PRDM12: variants seen among roughly 807,000 people sequenced by gnomAD.
PRDM12 encodes the protein PR domain zinc finger protein 12.
A neutral mutation model predicts 29.6 loss-of-function variants in PRDM12; 17 were observed. That is an observed-to-expected ratio of 0.57 (90% CI 0.39 to 0.86). PRDM12 has a LOEUF of 0.86. Among genes scored for constraint, PRDM12 ranks in the 40% least tolerant of loss-of-function variants. The probability of loss-of-function intolerance (pLI) is 0.00; values close to 1 mark genes in which losing one functional copy is unlikely to be tolerated. For missense variants in PRDM12, 422 were observed against 510.8 expected (o/e 0.83, Z 1.68); for synonymous variants, 231 against 225.8 (o/e 1.02, Z -0.21).
At chr9:130,680,659 A>ATATATATATATATATATATTTTTT in intron 4 of PRDM12, among the ~76,000 whole-genome samples, 1 of 72,172 alleles carries the variant, frequency 1.4e-5, no homozygotes, top group East Asian at 6.4e-4. Context: ...ATATATATAT[A>ATATATATATATATATATATTTTTT]TTTTTTTTTT....
At chr9:130,666,485 TTTGGGGCCGAC>T (rs759138933) in intron 1 of PRDM12, 112 bp from the exon 2 acceptor site, 30 of 1,281,284 alleles carry the variant, frequency 2.3e-5, no homozygotes, top group Non-Finnish European at 3.1e-5. Flanking sequence ...CTTCTCTGGA[TTTGGGGCCGAC>T]TTGGGTTTGG....
chr9:130,680,651 A>ATTTT (rs1230089605), intron 4 of PRDM12, among the ~76,000 whole-genome samples: 1 of 80,176 alleles, frequency 1.2e-5, no homozygotes, highest in African/African-American at 7.7e-5. Context: ...ATATATATAT[A>ATTTT]TATATATATT....
intron 3 of PRDM12, among the ~76,000 whole-genome samples, chr9:130,673,009 C>T (rs74540582): frequency 0.013 from 1,937 of 152,274 alleles, 48 homozygotes; most frequent in African/African-American, 0.045. Flanking sequence ...CGCTGGTATT[C>T]CAGAGTTTTA....
At chr9:130,675,818 G>T (rs537198896) in intron 3 of PRDM12, among the ~76,000 whole-genome samples, 2 of 152,298 alleles carry the variant, frequency 1.3e-5, no homozygotes, top group Admixed American at 1.3e-4. Flanking sequence ...TCAGTGGTCT[G>T]GGGGAGGGTG....
chr9:130,678,897 G>A lies in PRDM12; in HGVS notation c.682+257G>A, dbSNP rs549228377. The stretch of plus-strand genomic sequence containing the variant: ...TAGACTGTCTGGGGGGTATGTGGGG[G>A]AGACCAGAGAGGCAATGAGGTGTGA... On this transcript the variant is annotated intron_variant, in intron 4 of 4. Coordinates refer to ENST00000253008, the MANE Select transcript of PRDM12 (RefSeq NM_021619.3). 3.3e-5 allele frequency among the ~76,000 whole-genome samples: 5 copies of A among 152,282 alleles called. No individual in the cohort carries two copies. In the East Asian group the frequency reaches 9.7e-4, roughly 29 times the overall value.
rs1461168068 is a variant in PRDM12 at position 130,682,085 on chromosome 9, C to CT, written c.*418dup. The CT allele has an allele frequency of 1.3e-5, 2 of 152,152 alleles. No individual in the cohort carries two copies. The highest frequency in any genetic ancestry group is 2.9e-5 in the Non-Finnish European group (2 of 68,058). 9.4% of individuals were successfully genotyped at this position (152,152 alleles called of 1,614,324 possible). A position where few individuals can be genotyped will look rare whatever the true frequency, so the allele number is the denominator to read the frequency against. On this transcript the variant is annotated 3_prime_UTR_variant, in exon 5 of 5. Coordinates refer to ENST00000253008, the MANE Select transcript of PRDM12 (RefSeq NM_021619.3). This position sits in a 1 kb window ranked among gnomAD's most constrained non-coding sequence, Gnocchi z 4.2. ...CTCCTCCGCCACCGAGAGTCCTGTG[C>CT]TTCGGAATGAAGGGAGGGCGACCTC... is the stretch of plus-strand genomic sequence containing the variant.
intron 4 of PRDM12, among the ~76,000 whole-genome samples, chr9:130,680,659 A>ATATATATATATATATATATATATATATT: frequency 2.8e-5 from 2 of 72,172 alleles, no homozygotes; most frequent in Admixed American, 1.9e-4. Context: ...ATATATATAT[A>ATATATATATATATATATATATATATATT]TTTTTTTTTT....
Position 130,666,645 on chromosome 9 carries a change from G to T in PRDM12, c.261G>T (p.Glu87Asp). ...TGTCCAGCCTGGTGCTGCCTGCGGA[G>T]GTGATCATCGCTCAGAGCTCCATCC... ...QKLSSLVLPA[E>D]VIIAQSSIPG... Residue 87 changes from glutamate to aspartate, a missense_variant, in exon 2 of 5, where the codon GAG (glutamate) becomes GAT (aspartate). Coordinates refer to ENST00000253008, the MANE Select transcript of PRDM12 (RefSeq NM_021619.3). The T allele has an allele frequency of 6.2e-7, 1 of 1,613,058 alleles. No individual in the cohort carries two copies. The highest frequency in any genetic ancestry group is 1.1e-5 in the South Asian group (1 of 90,882).
At chr9:130,669,116 A>T (rs1021822768) in intron 3 of PRDM12, among the ~76,000 whole-genome samples, 1 of 152,084 alleles carries the variant, frequency 6.6e-6, no homozygotes, top group Non-Finnish European at 1.5e-5. Context: ...TCACAAGGTC[A>T]GGAGATCGAG....
chr9:130,674,433 G>C (rs1314528218), intron 3 of PRDM12, among the ~76,000 whole-genome samples: 2 of 151,778 alleles, frequency 1.3e-5, no homozygotes, highest in Non-Finnish European at 1.5e-5. Flanking sequence ...ACAGGTGAGA[G>C]CCACCACACC....
At position 130,681,065 on chromosome 9, in the gene PRDM12, C is replaced by T. The variant is rs545687817; in HGVS notation, c.683-183C>T. ...CCAACTCCCTATTGGACCCCCCAGC[C>T]GGGGTACCCTTCGCTGTCCCTCCAG... On this transcript the variant is annotated intron_variant, in intron 4 of 4. Coordinates refer to ENST00000253008, the MANE Select transcript of PRDM12 (RefSeq NM_021619.3). The surrounding 1 kb of genome is among the most constrained non-coding windows in gnomAD (Gnocchi z 8.1). 6.6e-6 allele frequency among the ~76,000 whole-genome samples: 1 copy of T among 152,262 alleles called. No homozygotes were observed. Among genetic ancestry groups the T allele is most frequent in the East Asian group, 1.9e-4 (1 of 5,136 alleles).
In PRDM12 at chr9:130,672,469, G is replaced by C. The variant is rs537963577; in HGVS notation, c.570+4156G>C. ...CTCCCAAAGTGCTGGGATTACAGGC[G>C]TGAGCCACTGCACCTGGCCAGCAAC... is the stretch of plus-strand genomic sequence containing the variant. On this transcript the variant is annotated intron_variant, in intron 3 of 4. Transcript: ENST00000253008. 1.4e-4 allele frequency among the ~76,000 whole-genome samples: 22 copies of C among 152,300 alleles called. No homozygotes were observed. The East Asian group carries it at 4.1e-3, about 28-fold the overall frequency.
At position 130,681,507 on chromosome 9, in the gene PRDM12, G is replaced by C; in HGVS notation, c.942G>C (p.Leu314=). 1 of 1,464,750 alleles carries C rather than the reference G, an allele frequency of 6.8e-7. No individual in the cohort carries two copies. The highest frequency in any genetic ancestry group is 9.1e-7 in the Non-Finnish European group (1 of 1,104,352). 90.7% of individuals were successfully genotyped at this position (1,464,750 alleles called of 1,614,324 possible). A position where few individuals can be genotyped will look rare whatever the true frequency, so the allele number is the denominator to read the frequency against. Reference sequence around the variant, plus strand: ...GCGCCTACTCGCAGCTGGCCGGCCTGCGCGCCCACCAGAAGAGCGCGCGGC... The same window carrying C: ...GCGCCTACTCGCAGCTGGCCGGCCTCCGCGCCCACCAGAAGAGCGCGCGGC... ...CQSAYSQLAG[L]RAHQKSARHR... Residue 314 remains leucine, a synonymous_variant, in exon 5 of 5, where the codon CTG becomes CTC. Coordinates refer to ENST00000253008, the MANE Select transcript of PRDM12 (RefSeq NM_021619.3). The surrounding 1 kb of genome is among the most constrained non-coding windows in gnomAD (Gnocchi z 8.1).
Position 130,681,576 on chromosome 9 carries a change from G to T in PRDM12, c.1011G>T (p.Leu337=). 1 of 1,187,022 alleles carries T rather than the reference G, an allele frequency of 8.4e-7. No homozygotes were observed. The highest frequency in any genetic ancestry group is 1.0e-6 in the Non-Finnish European group (1 of 958,808). 73.5% of individuals were successfully genotyped at this position (1,187,022 alleles called of 1,614,324 possible). A position where few individuals can be genotyped will look rare whatever the true frequency, so the allele number is the denominator to read the frequency against. Reference sequence around the variant, plus strand: ...CGCTGCAGGCACACTCGCCCGCGCTGCCCGCCCCGCACGCGCACGCGCCCG... The same window carrying T: ...CGCTGCAGGCACACTCGCCCGCGCTTCCCGCCCCGCACGCGCACGCGCCCG... ...STALQAHSPA[L]PAPHAHAPAL... is the part of the protein sequence containing the mutation. Residue 337 remains leucine (L), a synonymous_variant, in exon 5 of 5, where the codon CTG becomes CTT. Transcript: ENST00000253008. This position sits in a 1 kb window ranked among gnomAD's most constrained non-coding sequence, Gnocchi z 8.1.
At position 130,678,770 on chromosome 9, in the gene PRDM12, T is replaced by G. The variant is rs780108491; in HGVS notation, c.682+130T>G. ...GACCTTGGTTCAATGTCTGGCAGCA[T>G]TGAGCAGATCAGACATACAGGTCCA... On this transcript the variant is annotated intron_variant, in intron 4 of 4. Transcript: ENST00000253008. 7 of 718,104 alleles carry G rather than the reference T, an allele frequency of 9.7e-6. No individual in the cohort carries two copies. In the Admixed American group the frequency reaches 2.0e-4, roughly 20 times the overall value. The allele number at this position is 718,104 out of a possible 1,614,324, so 44.5% of individuals were successfully genotyped here. A position where few individuals can be genotyped will look rare whatever the true frequency, so the allele number is the denominator to read the frequency against.
intron 3 of PRDM12, among the ~76,000 whole-genome samples, chr9:130,677,890 G>A (rs925921351): frequency 3.9e-5 from 6 of 152,122 alleles, no homozygotes; most frequent in African/African-American, 7.2e-5. Flanking sequence ...GACCTAGGAC[G>A]CGGTGAACTG....
At chr9:130,679,588 C>T (rs1830875519) in intron 4 of PRDM12, among the ~76,000 whole-genome samples, 1 of 152,116 alleles carries the variant, frequency 6.6e-6, no homozygotes, top group African/African-American at 2.4e-5. Context: ...CCACTTTGGC[C>T]TCCCAAAGTG....
In PRDM12 at chr9:130,682,277, G is replaced by A. The variant is rs1363825488; in HGVS notation, c.*608G>A. The A allele has an allele frequency of 6.6e-6, 1 of 152,352 alleles. No homozygotes were observed. The highest frequency in any genetic ancestry group is 6.5e-5 in the Admixed American group (1 of 15,278). The allele number at this position is 152,352 out of a possible 1,614,324, so 9.4% of individuals were successfully genotyped here. A position where few individuals can be genotyped will look rare whatever the true frequency, so the allele number is the denominator to read the frequency against. ...AGACCCGGAGAGATGCATCTTCTGG[G>A]CCCTTCTCTCCTTTAGGCCAGCTTA... On this transcript the variant is annotated 3_prime_UTR_variant, in exon 5 of 5. Transcript: ENST00000253008. This position sits in a 1 kb window ranked among gnomAD's most constrained non-coding sequence, Gnocchi z 4.2.
At chr9:130,680,659 A>ATATATATATT in intron 4 of PRDM12, among the ~76,000 whole-genome samples, 82 of 72,140 alleles carry the variant, frequency 1.1e-3, no homozygotes, top group African/African-American at 4.7e-3. Context: ...ATATATATAT[A>ATATATATATT]TTTTTTTTTT....
Sources: allele counts gnomAD v4.1 joint callset (sites outside exome capture counted in the v4.1 genomes callset), GRCh38; gene constraint gnomAD v4.1.1; non-coding constraint Gnocchi (gnomAD v3.1); transcripts MANE v1.5; gene names NCBI Gene and HGNC (gene_info 2026-07-23, HGNC 2026-07-21).